Variants in RAB38 observed in about 807,000 individuals in gnomAD.
RAB38 encodes ras-related protein Rab-38.
RAB38 carries 15 observed loss-of-function variants against 18.4 expected under a neutral mutation model. The observed-to-expected ratio is 0.82, with a 90% confidence interval of 0.55 to 1.26. RAB38 has a LOEUF of 1.26. Ranked by LOEUF, RAB38 falls within the 50% of genes most tolerant of loss-of-function variation. The probability of loss-of-function intolerance (pLI) is 0.00; values close to 1 mark genes in which losing one functional copy is unlikely to be tolerated. For synonymous variants in RAB38, 101 were observed against 104.4 expected (o/e 0.97, Z 0.20); for missense variants, 294 against 267.4 (o/e 1.10, Z -0.69).
At chr11:87,919,006 T>C in the RAB38 span, among the ~76,000 whole-genome samples, 5 of 152,044 alleles carry the variant, frequency 3.3e-5, no homozygotes, top group African/African-American at 1.2e-4. Flanking sequence ...TATTTACAGT[T>C]TAGGTCTTTA....
In RAB38 at chr11:88,134,251, A is replaced by AT. The variant is rs1942804038; in HGVS notation, c.483+15423dup. ...CTGCCAACTCTATTTATTTTATTTT[A>AT]TTTTTTTGAGATGGAGTCTTGCTCT... On this transcript the variant is annotated intron_variant, in intron 2 of 2. Transcript: ENST00000243662. 2.0e-5 allele frequency among the ~76,000 whole-genome samples: 3 copies of AT among 151,860 alleles called. No individual in the cohort carries two copies. The South Asian group carries it at 6.2e-4, about 32-fold the overall frequency.
At chr11:87,845,262 A>C in the RAB38 span, among the ~76,000 whole-genome samples, 1 of 152,180 alleles carries the variant, frequency 6.6e-6, no homozygotes, top group Non-Finnish European at 1.5e-5. Flanking sequence ...ACACAGATGG[A>C]ATAGGTCTTT....
chr11:88,030,774 T>C, the RAB38 span, among the ~76,000 whole-genome samples: 3 of 152,286 alleles, frequency 2.0e-5, no homozygotes, highest in South Asian at 4.2e-4. Flanking sequence ...ACAAGATGGA[T>C]TCACAGCCCA....
At chr11:87,946,505 GC>G in the RAB38 span, among the ~76,000 whole-genome samples, 5 of 151,920 alleles carry the variant, frequency 3.3e-5, no homozygotes, top group African/African-American at 1.2e-4. Context: ...TCCTCATTTA[GC>G]ATTAGGCGTA....
chr11:88,016,207 G>C, the RAB38 span, among the ~76,000 whole-genome samples: 1 of 152,124 alleles, frequency 6.6e-6, no homozygotes, highest in Non-Finnish European at 1.5e-5. Flanking sequence ...ATGGTAGAAA[G>C]TATGCTACAT....
At chr11:88,124,255 A>G (rs989592832) in intron 2 of RAB38, among the ~76,000 whole-genome samples, 1 of 152,250 alleles carries the variant, frequency 6.6e-6, no homozygotes, top group African/African-American at 2.4e-5. Context: ...AATGGCAACA[A>G]AAGCCAAAAT....
intron 1 of RAB38, among the ~76,000 whole-genome samples, chr11:88,162,322 C>G (rs975422526): frequency 3.3e-5 from 5 of 152,086 alleles, no homozygotes; most frequent in Non-Finnish European, 7.4e-5. Context: ...ACAATCTTCC[C>G]CTACAAAATA....
At chr11:87,933,985 T>C in the RAB38 span, among the ~76,000 whole-genome samples, 1 of 152,002 alleles carries the variant, frequency 6.6e-6, no homozygotes. Flanking sequence ...CTGGGTAGGG[T>C]GGTCCTTTCT....
chr11:87,938,344 G>A, the RAB38 span, among the ~76,000 whole-genome samples: 2 of 151,974 alleles, frequency 1.3e-5, no homozygotes, highest in African/African-American at 4.8e-5. Flanking sequence ...CTCCCCATAT[G>A]GTATACACTG....
the RAB38 span, among the ~76,000 whole-genome samples, chr11:87,814,575 T>C: frequency 6.6e-6 from 1 of 152,198 alleles, no homozygotes; most frequent in South Asian, 2.1e-4. Flanking sequence ...GTACAGGGAA[T>C]AGTTTAAATA....
the RAB38 span, among the ~76,000 whole-genome samples, chr11:87,865,068 G>T: frequency 1.3e-5 from 2 of 151,856 alleles, no homozygotes; most frequent in African/African-American, 4.8e-5. Context: ...AGACTGATGT[G>T]TTCCTGTAAG....
the RAB38 span, among the ~76,000 whole-genome samples, chr11:88,063,355 C>T: frequency 6.6e-6 from 1 of 151,962 alleles, no homozygotes; most frequent in African/African-American, 2.4e-5. Context: ...TCCAATTTTC[C>T]ACAAATAGAA....
At chr11:87,835,711 C>T in the RAB38 span, among the ~76,000 whole-genome samples, 2 of 152,144 alleles carry the variant, frequency 1.3e-5, no homozygotes, top group East Asian at 1.9e-4. Context: ...AAGAAACAGA[C>T]CTGGAGCTGG....
At chr11:88,122,358 C>T (rs190589990) in intron 2 of RAB38, among the ~76,000 whole-genome samples, 100 of 152,094 alleles carry the variant, frequency 6.6e-4, no homozygotes, top group Admixed American at 1.4e-3. Context: ...GCTGGGATAC[C>T]CAATAATCAG....
the RAB38 span, among the ~76,000 whole-genome samples, chr11:87,937,307 T>A: frequency 8.7e-6 from 1 of 114,842 alleles, no homozygotes; most frequent in Non-Finnish European, 1.8e-5. Context: ...TTTTACTTGG[T>A]CATCATATAT....
chr11:88,069,237 G>C, the RAB38 span, among the ~76,000 whole-genome samples: 1 of 152,206 alleles, frequency 6.6e-6, no homozygotes, highest in African/African-American at 2.4e-5. Context: ...AGCACTGCCA[G>C]CCCACCCGTG....
the RAB38 span, among the ~76,000 whole-genome samples, chr11:88,053,342 A>AAT: frequency 4.5e-4 from 12 of 26,646 alleles, no homozygotes; most frequent in African/African-American, 8.8e-4. Flanking sequence ...ATATATATGG[A>AAT]ATATATATAT....
At chr11:87,922,009 A>C in the RAB38 span, among the ~76,000 whole-genome samples, 1 of 152,044 alleles carries the variant, frequency 6.6e-6, no homozygotes, top group Admixed American at 6.6e-5. Flanking sequence ...AAGTATTCTC[A>C]AAAGCACCTG....
At chr11:88,170,615 G>C (rs1449681499) in intron 1 of RAB38, among the ~76,000 whole-genome samples, 1 of 152,184 alleles carries the variant, frequency 6.6e-6, no homozygotes, top group African/African-American at 2.4e-5. Flanking sequence ...CCTTCATCCT[G>C]TTACTTTGTC....
Sources: gnomAD v4.1 joint callset for allele counts (sites outside exome capture counted in the v4.1 genomes callset) on GRCh38, gnomAD v4.1.1 for gene constraint, MANE v1.5 for transcripts, NCBI Gene and HGNC (gene_info 2026-07-23, HGNC 2026-07-21) for gene names.